ZDHHC6: variants seen among roughly 807,000 people sequenced by gnomAD.
ZDHHC6 encodes the protein zDHHC palmitoyltransferase 6, also known as palmitoyltransferase ZDHHC6.
ZDHHC6 carries 32 observed loss-of-function variants against 57.8 expected under a neutral mutation model. The ratio of observed to expected loss-of-function variants is 0.55; its 90% confidence interval spans 0.42 to 0.74. The LOEUF (loss-of-function observed/expected upper bound fraction) is 0.74. ZDHHC6 is among the 30% of genes least tolerant of loss of function. The probability of loss-of-function intolerance (pLI) is 0.00; values close to 1 mark genes in which losing one functional copy is unlikely to be tolerated. For missense variants in ZDHHC6, 433 were observed against 500.7 expected, an observed-to-expected ratio of 0.86 and a Z score of 1.29; for synonymous variants, 128 against 158.0, an observed-to-expected ratio of 0.81 and a Z score of 1.42.
rs1564772558 is a variant in ZDHHC6, at chr10:112,445,516, A to G, written c.-80T>C. ...TGTGCGCACATTTCCATGTGCCACA[A>G]GTCCATGTGTGTTCTTTAATTGTCA... On this transcript the variant is annotated 5_prime_UTR_variant, in exon 2 of 11. Coordinates refer to ENST00000369405, the MANE Select transcript of ZDHHC6 (RefSeq NM_022494.3). 1 of 1,478,898 alleles carries G rather than the reference A, an allele frequency of 6.8e-7. No homozygotes were observed. Among genetic ancestry groups the G allele is most frequent in the Non-Finnish European group, 9.1e-7 (1 of 1,093,948 alleles). 91.6% of individuals were successfully genotyped at this position (1,478,898 alleles called of 1,614,324 possible).
intron 5 of ZDHHC6, among the ~76,000 whole-genome samples, chr10:112,438,959 T>C (rs1314997357): frequency 6.6e-6 from 1 of 152,228 alleles, no homozygotes; most frequent in East Asian, 1.9e-4. Flanking sequence ...AATATGATTC[T>C]AAATTAGAGG....
exon 12 of ZDHHC6, chr10:112,424,744 C>T (rs1844605067): frequency 1.3e-5 from 2 of 152,150 alleles, no homozygotes; most frequent in African/African-American, 4.8e-5. Flanking sequence ...TCCCTAAAGA[C>T]CTAAGCTCCT....
intron 3 of ZDHHC6, among the ~76,000 whole-genome samples, chr10:112,442,762 G>A (rs371230985): frequency 6.6e-6 from 1 of 152,196 alleles, no homozygotes; most frequent in East Asian, 1.9e-4. Context: ...ACCTCCAGTG[G>A]GGTTAATGGG....
chr10:112,427,320 AC>A, downstream of ZDHHC6: 1 of 1,613,708 alleles, frequency 6.2e-7, no homozygotes, highest in African/African-American at 1.3e-5. Flanking sequence ...ATACTTTCGG[AC>A]CCAAATTGAC....
At chr10:112,436,945 C>G (rs1048693205) in intron 6 of ZDHHC6, among the ~76,000 whole-genome samples, 1 of 152,102 alleles carries the variant, frequency 6.6e-6, no homozygotes, top group Non-Finnish European at 1.5e-5. Context: ...CTAACAAAAG[C>G]TGTAGAGCCA....
chr10:112,445,500 A>G lies in ZDHHC6; in HGVS notation c.-64T>C. The stretch of plus-strand genomic sequence containing the variant: ...ATAGATTTCCTTTTTCTGTGCGCAC[A>G]TTTCCATGTGCCACAAGTCCATGTG... On this transcript the variant is annotated 5_prime_UTR_variant, in exon 2 of 11. An upstream start codon of the reference 5' UTR is lost. Transcript: ENST00000369405. 3.2e-6 allele frequency: 5 copies of G among 1,546,250 alleles called. No individual in the cohort carries two copies. The highest frequency in any genetic ancestry group is 4.4e-6 in the Non-Finnish European group (5 of 1,139,666).
intron 2 of ZDHHC6, among the ~76,000 whole-genome samples, chr10:112,444,109 G>A (rs531301518): frequency 6.6e-6 from 1 of 152,132 alleles, no homozygotes; most frequent in East Asian, 1.9e-4. Flanking sequence ...ATACACCTCT[G>A]ACTGTGTCAG....
At chr10:112,447,213 A>G, upstream of ZDHHC6, 2 of 652,492 alleles carry the variant, frequency 3.1e-6, no homozygotes, top group Non-Finnish European at 2.5e-6. Context: ...CGAGATTGCG[A>G]CGAACAACCA....
chr10:112,438,492 G>A lies in ZDHHC6; in HGVS notation c.682-103C>T, dbSNP rs762716412. ...ATAGCTTTTATTACTCCATTCCATA[G>A]ACAAAGATACCAAGGATAACAGAGG... On this transcript the variant is annotated intron_variant, in intron 5 of 10. Transcript: ENST00000369405. 1.1e-5 allele frequency: 10 copies of A among 920,022 alleles called. No homozygotes were observed. In the South Asian group the frequency reaches 2.0e-4, roughly 19 times the overall value. The allele number at this position is 920,022 out of a possible 1,614,324, so 57.0% of individuals were successfully genotyped here.
At chr10:112,443,817 T>C (rs1035513859) in intron 2 of ZDHHC6, among the ~76,000 whole-genome samples, 3 of 152,176 alleles carry the variant, frequency 2.0e-5, no homozygotes, top group Admixed American at 6.5e-5. Flanking sequence ...CTTTTAAATT[T>C]TTCTTCCTTG....
chr10:112,425,653 T>G, downstream of ZDHHC6: 1 of 581,748 alleles, frequency 1.7e-6, no homozygotes, highest in East Asian at 3.3e-5. Context: ...AATTTCAATT[T>G]AAAAAATTTC....
At chr10:112,434,082 C>T (rs1845290964) in intron 7 of ZDHHC6, among the ~76,000 whole-genome samples, 1 of 152,064 alleles carries the variant, frequency 6.6e-6, no homozygotes, top group Admixed American at 6.6e-5. Context: ...GTTAAGGGAT[C>T]AGGACTTTAT....
chr10:112,426,404 C>T (rs375519939), downstream of ZDHHC6: 245 of 1,527,238 alleles, frequency 1.6e-4, no homozygotes, highest in Non-Finnish European at 2.1e-4. Flanking sequence ...ATGGGCCCAT[C>T]GTGGAGGAGA....
intron 4 of ZDHHC6, among the ~76,000 whole-genome samples, chr10:112,440,909 G>A (rs532068399): frequency 1.5e-3 from 224 of 152,256 alleles, no homozygotes; most frequent in Non-Finnish European, 2.9e-3. Flanking sequence ...GCAGTGGCAC[G>A]ATCTCGACTC....
intron 4 of ZDHHC6, 76 bp downstream of exon 4, chr10:112,442,116 A>T: frequency 7.1e-7 from 1 of 1,401,594 alleles, no homozygotes; most frequent in East Asian, 2.5e-5. Flanking sequence ...TCCAAAAGGA[A>T]CCTCTTAAAT....
chr10:112,440,812 C>A, intron 4 of ZDHHC6, 117 bp from the exon 5 acceptor site: 1 of 742,704 alleles, frequency 1.3e-6, no homozygotes, highest in South Asian at 4.9e-5. Context: ...CTGTGGCCAA[C>A]GCAAACACAG....
At chr10:112,427,237 A>G, downstream of ZDHHC6, 2 of 1,612,694 alleles carry the variant, frequency 1.2e-6, no homozygotes, top group Non-Finnish European at 1.7e-6. Flanking sequence ...ATTTTTCTTC[A>G]TCCAGAGCCA....
At chr10:112,425,595 T>TAAAA (rs71489969), downstream of ZDHHC6, 269 of 537,472 alleles carry the variant, frequency 5.0e-4, no homozygotes, top group Non-Finnish European at 6.4e-4. Context: ...CTTATAAAAC[T>TAAAA]AAAAAAAAAA....
At chr10:112,427,108 C>T (rs1263695875), downstream of ZDHHC6, 1 of 1,171,222 alleles carries the variant, frequency 8.5e-7, no homozygotes, top group Admixed American at 2.3e-5. Flanking sequence ...TTACTGTTAC[C>T]TTTACCCTTT....
Sources: gnomAD v4.1 joint callset for allele counts (sites outside exome capture counted in the v4.1 genomes callset) on GRCh38, gnomAD v4.1.1 for gene constraint, MANE v1.5 for transcripts, NCBI Gene and HGNC (gene_info 2026-07-23, HGNC 2026-07-21) for gene names.